The following INTS8 variants were observed in gnomAD, a reference collection of about 807,000 sequenced individuals.
The protein encoded by INTS8 is integrator complex subunit 8.
Under a neutral mutation model 138.9 loss-of-function variants are expected in INTS8, and 47 were observed. That is an observed-to-expected ratio of 0.34 (90% CI 0.27 to 0.43). The LOEUF (loss-of-function observed/expected upper bound fraction) is 0.43, where lower values mean the gene tolerates loss of function less well. Ranked by LOEUF, INTS8 falls within the 20% of genes least tolerant of loss-of-function variation. The probability of loss-of-function intolerance (pLI) is 1.00; values close to 1 mark genes in which losing one functional copy is unlikely to be tolerated. For missense variants in INTS8, 996 were observed against 1,173.0 expected (o/e 0.85, Z 2.20); for synonymous variants, 392 against 400.9 (o/e 0.98, Z 0.27).
intron 10 of INTS8, among the ~76,000 whole-genome samples, chr8:94,843,552 G>GA (rs926199557): frequency 1.1e-4 from 16 of 151,732 alleles, no homozygotes; most frequent in African/African-American, 3.9e-4. Context: ...GGGCAACAGT[G>GA]AGAGACTCCA....
intron 5 of INTS8, 65 bp downstream of exon 5, chr8:94,829,091 C>A (rs962653639): frequency 1.6e-5 from 19 of 1,199,386 alleles, no homozygotes; most frequent in Non-Finnish European, 2.3e-5. Flanking sequence ...AGTTCCCAAC[C>A]TTTTTGGCAC....
At position 94,867,447 on chromosome 8, in the gene INTS8, AT is replaced by A; in HGVS notation, c.2414+112del. On this transcript the variant is annotated intron_variant, in intron 20 of 26. Coordinates refer to ENST00000523731, the MANE Select transcript of INTS8 (RefSeq NM_017864.4). ...TTTATTAAAGGGCCAGAAATCTAAG[AT>A]TCTACAGTCTTTGTGTTTCTCTATT... 4.0e-6 allele frequency: 3 copies of A among 745,298 alleles called. No individual in the cohort carries two copies. The South Asian group carries it at 5.2e-5, about 13-fold the overall frequency. 46.2% of individuals were successfully genotyped at this position (745,298 alleles called of 1,614,324 possible).
At chr8:94,853,740 G>T (rs747241554) in intron 13 of INTS8, 65 bp from the exon 14 acceptor site, 1 of 844,404 alleles carries the variant, frequency 1.2e-6, no homozygotes, top group Non-Finnish European at 2.0e-6. Context: ...ATTGTTGAAA[G>T]ATTCTTATCT....
intron 2 of INTS8, among the ~76,000 whole-genome samples, chr8:94,826,698 T>C (rs937782286): frequency 6.6e-6 from 1 of 152,204 alleles, no homozygotes; most frequent in Non-Finnish European, 1.5e-5. Flanking sequence ...AGAATAGAGA[T>C]GAAGTAAGAT....
intron 22 of INTS8, 132 bp from the exon 23 acceptor site, chr8:94,874,420 G>A (rs1816505947): frequency 1.1e-5 from 7 of 646,756 alleles, no homozygotes; most frequent in African/African-American, 1.9e-5. Context: ...TGAATAAAAG[G>A]TACAGAGTTC....
chr8:94,866,082 C>G, intron 17 of INTS8, 76 bp from the exon 18 acceptor site: 1 of 644,178 alleles, frequency 1.6e-6, no homozygotes, highest in South Asian at 1.9e-5. Context: ...AATAAACCTT[C>G]ACCTATAATT....
chr8:94,873,286 C>T (rs1015084929), intron 21 of INTS8, 88 bp from the exon 22 acceptor site: 1 of 883,736 alleles, frequency 1.1e-6, no homozygotes, highest in Non-Finnish European at 1.9e-6. Flanking sequence ...CTTTTGTTAA[C>T]TTATGAAGTT....
chr8:94,881,741 T>A lies in INTS8; in HGVS notation c.*1507T>A. The stretch of plus-strand genomic sequence containing the variant: ...TCTGAAGGTGTTTATGTAATTTACT[T>A]CCTCCTATACATGGGAAGAAATCAT... On this transcript the variant is annotated 3_prime_UTR_variant, in exon 27 of 27. Coordinates refer to ENST00000523731, the MANE Select transcript of INTS8 (RefSeq NM_017864.4). 6.2e-7 allele frequency: 1 copy of A among 1,613,774 alleles called. No individual in the cohort carries two copies. The highest frequency in any genetic ancestry group is 8.5e-7 in the Non-Finnish European group (1 of 1,179,796).
At chr8:94,861,846 C>T (rs918574592) in intron 16 of INTS8, among the ~76,000 whole-genome samples, 4 of 151,700 alleles carry the variant, frequency 2.6e-5, no homozygotes, top group Non-Finnish European at 5.9e-5. Context: ...CCACCGCGCC[C>T]GGCCCGGCCC....
chr8:94,859,511 A>T lies in INTS8; in HGVS notation c.1955A>T (p.Asp652Val). The change falls in exon 16 of 27, where the codon GAT becomes GTT. Residue 652 changes from aspartate (D) to valine (V), a missense_variant and splice_region_variant. By Grantham distance (152) the Asp-to-Val change is radical. Transcript: ENST00000523731. ...VRGYLEMRLP[D>V]IPLRQVIAEE... ...AACTGTTTTCTTCTTTGCTTTTTAG[A>T]TATTCCTCTTCGTCAAGTTATAGCT... The T allele has an allele frequency of 6.2e-7, 1 of 1,612,316 alleles. No individual in the cohort carries two copies. Among genetic ancestry groups the T allele is most frequent in the Non-Finnish European group, 8.5e-7 (1 of 1,179,112 alleles).
chr8:94,879,574 G>A (rs1229446294), intron 26 of INTS8, among the ~76,000 whole-genome samples: 4 of 144,984 alleles, frequency 2.8e-5, no homozygotes, highest in African/African-American at 5.1e-5. Flanking sequence ...CAACCTGGGC[G>A]ACAAGAATGA....
At chr8:94,837,258 G>A (rs191555482) in intron 7 of INTS8, among the ~76,000 whole-genome samples, 6 of 152,076 alleles carry the variant, frequency 3.9e-5, no homozygotes, top group Admixed American at 3.9e-4. Flanking sequence ...TTCCTAATAT[G>A]GGTAAACATT....
intron 11 of INTS8, among the ~76,000 whole-genome samples, 184 bp downstream of exon 11, chr8:94,849,716 C>T (rs1024127315): frequency 6.6e-6 from 1 of 151,834 alleles, no homozygotes; most frequent in African/African-American, 2.4e-5. Flanking sequence ...TATATAGTTA[C>T]CTTTTTTTAA....
intron 5 of INTS8, among the ~76,000 whole-genome samples, chr8:94,831,545 G>A (rs1413046144): frequency 6.9e-6 from 1 of 145,648 alleles, no homozygotes; most frequent in African/African-American, 2.5e-5. Context: ...GCAGTGGCAC[G>A]ATCTTGGCTC....
chr8:94,873,491 G>A lies in INTS8; in HGVS notation c.2637+14G>A, dbSNP rs368546594. ...TATACAGACCAGGTGAATTGTTTTCGTGGGCTGGCTGGTTTCTTGCCTACC... is the reference window on the plus strand; with the variant it reads ...TATACAGACCAGGTGAATTGTTTTCATGGGCTGGCTGGTTTCTTGCCTACC... On this transcript the variant is annotated intron_variant, in intron 22 of 26. Coordinates refer to ENST00000523731, the MANE Select transcript of INTS8 (RefSeq NM_017864.4). The A allele has an allele frequency of 4.5e-6, 7 of 1,558,506 alleles. No homozygotes were observed. The highest frequency in any genetic ancestry group is 1.4e-5 in the African/African-American group (1 of 73,834).
chr8:94,849,843 T>C (rs1181266157), intron 11 of INTS8, 73 bp from the exon 12 acceptor site: 1 of 1,096,294 alleles, frequency 9.1e-7, no homozygotes, highest in East Asian at 2.5e-5. Context: ...CTTATTAAAA[T>C]TGGTTGATAT....
intron 26 of INTS8, 88 bp downstream of exon 26, chr8:94,876,577 G>GT: frequency 1.3e-6 from 1 of 765,078 alleles, no homozygotes; most frequent in Non-Finnish European, 2.1e-6. Flanking sequence ...AATAGATTTT[G>GT]TGTACCTAGT....
Position 94,823,303 on chromosome 8 carries a change from T to G in INTS8, c.-129T>G, listed in dbSNP as rs187896056. 8.5e-5 allele frequency: 130 copies of G among 1,521,636 alleles called. No individual in the cohort carries two copies. The African/African-American group carries it at 1.2e-3, about 14-fold the overall frequency. The allele number at this position is 1,521,636 out of a possible 1,614,324, so 94.3% of individuals were successfully genotyped here. ...GCCCGCGCCGCCATTTTGGATTGTG[T>G]GAGTTTCCGGGACGTTCGGAGGGTG... On this transcript the variant is annotated 5_prime_UTR_variant, in exon 1 of 27. Coordinates refer to ENST00000523731, the MANE Select transcript of INTS8 (RefSeq NM_017864.4).
At chr8:94,841,745 C>G (rs141049057) in intron 9 of INTS8, among the ~76,000 whole-genome samples, 154 bp downstream of exon 9, 14 of 152,124 alleles carry the variant, frequency 9.2e-5, no homozygotes, top group African/African-American at 2.9e-4. Flanking sequence ...GAGGAACACT[C>G]TGGTGTTCCT....
Sources: gnomAD v4.1 joint callset for allele counts (sites outside exome capture counted in the v4.1 genomes callset) on GRCh38, gnomAD v4.1.1 for gene constraint, MANE v1.5 for transcripts, NCBI Gene and HGNC (gene_info 2026-07-23, HGNC 2026-07-21) for gene names.